The following ARHGEF7 variants were observed in gnomAD, a reference collection of about 807,000 sequenced individuals.
ARHGEF7 encodes the protein Rho guanine nucleotide exchange factor 7, also known as PAK-interacting exchange factor beta.
Under a neutral mutation model 109.8 loss-of-function variants are expected in ARHGEF7, and 33 were observed. The observed-to-expected ratio is 0.30, with a 90% CI of 0.23 to 0.40. ARHGEF7 has a LOEUF of 0.40. Among genes scored for constraint, ARHGEF7 ranks in the 10% least tolerant of loss-of-function variants. The pLI, the probability that ARHGEF7 is intolerant of heterozygous loss-of-function variation, is 1.00. For synonymous variants in ARHGEF7, 458 were observed against 424.6 expected (o/e 1.08, Z -0.97); for missense variants, 938 against 1,098.5 (o/e 0.85, Z 2.07).
Position 111,131,364 on chromosome 13 carries a change from C to T in ARHGEF7, c.165+15673C>T, listed in dbSNP as rs974285326. ...CGGTCGCCTGTGCTGGAGCCCTGGG[C>T]GAGGCTTACCTAGGTTTGGGGCAAG... is the stretch of plus-strand genomic sequence containing the variant. On this transcript the variant is annotated intron_variant, in intron 1 of 21. Transcript: ENST00000646102. This position sits in a 1 kb window ranked among gnomAD's most constrained non-coding sequence, Gnocchi z 4.4. 9.9e-5 allele frequency among the ~76,000 whole-genome samples: 15 copies of T among 151,804 alleles called. No homozygotes were observed. Among genetic ancestry groups the T allele is most frequent in the African/African-American group, 3.4e-4 (14 of 41,302 alleles).
In ARHGEF7 at chr13:111,150,472, T is replaced by A. The variant is rs201215732; in HGVS notation, c.166-3433T>A. 2.6e-5 allele frequency among the ~76,000 whole-genome samples: 4 copies of A among 152,334 alleles called. No homozygotes were observed. In the East Asian group the frequency reaches 7.7e-4, roughly 29 times the overall value. ...CTTCTTCCTTCATGTCATTGAAACC[T>A]TCTCCACTTATTTGCCTTGCAATAT... On this transcript the variant is annotated intron_variant, in intron 1 of 21. Coordinates refer to ENST00000646102, the MANE Select transcript of ARHGEF7 (RefSeq NM_001354046.2).
At chr13:111,130,214 G>A (rs1413549123) in intron 1 of ARHGEF7, among the ~76,000 whole-genome samples, 3 of 152,298 alleles carry the variant, frequency 2.0e-5, no homozygotes, top group Non-Finnish European at 2.9e-5. Flanking sequence ...AGTGATTGTG[G>A]AGTAGCTCAA....
At chr13:111,191,107 G>T (rs1290274719) in intron 2 of ARHGEF7, among the ~76,000 whole-genome samples, 1 of 152,172 alleles carries the variant, frequency 6.6e-6, no homozygotes, top group Non-Finnish European at 1.5e-5. Flanking sequence ...GTCATGCAGG[G>T]AGTATGTTTG....
chr13:111,205,324 T>A lies in ARHGEF7; in HGVS notation c.288T>A (p.Asn96Lys). ...FDANDLYQGQNFNKVLSSLVT... is the reference protein window; with the variant it reads ...FDANDLYQGQKFNKVLSSLVT... ...CAAATGATTTGTATCAGGGGCAGAA[T>A]TTTAACAAGGTCCTCAGTTCCTTAG... Residue 96 changes from asparagine to lysine, a missense_variant, in exon 3 of 22, where the codon AAT (asparagine) becomes AAA (lysine). By Grantham distance (94) the Asn-to-Lys change is moderately conservative. Transcript: ENST00000646102. 1.2e-6 allele frequency: 2 copies of A among 1,601,758 alleles called. No homozygotes were observed. Among genetic ancestry groups the A allele is most frequent in the Non-Finnish European group, 1.7e-6 (2 of 1,177,276 alleles).
At chr13:111,282,798 C>A (rs2092839398) in intron 15 of ARHGEF7, 1 of 368,756 alleles carries the variant, frequency 2.7e-6, no homozygotes, top group Admixed American at 4.5e-5. Context: ...AAATTCTCAT[C>A]TTTTTACTAG....
chr13:111,242,290 T>C (rs960857658), intron 6 of ARHGEF7, among the ~76,000 whole-genome samples: 4 of 152,194 alleles, frequency 2.6e-5, no homozygotes, highest in South Asian at 2.1e-4. Flanking sequence ...TGTATTCCTT[T>C]CTCAGAGTTT....
chr13:111,241,320 G>A, intron 6 of ARHGEF7: 1 of 1,536,200 alleles, frequency 6.5e-7, no homozygotes, highest in Non-Finnish European at 8.7e-7. Context: ...CAGAAGACGA[G>A]GAGGGGAAGA....
At chr13:111,260,852 T>TAA (rs1339590910) in intron 8 of ARHGEF7, among the ~76,000 whole-genome samples, 1 of 152,184 alleles carries the variant, frequency 6.6e-6, no homozygotes, top group African/African-American at 2.4e-5. Context: ...AGGACAAAGT[T>TAA]AAAGTGTAGA....
intron 2 of ARHGEF7, among the ~76,000 whole-genome samples, chr13:111,202,248 A>T (rs1282512539): frequency 6.6e-6 from 1 of 152,228 alleles, no homozygotes; most frequent in Non-Finnish European, 1.5e-5. Context: ...CTGTGCTGGC[A>T]TTGAGGCTTC....
At chr13:111,261,668 C>T (rs1007293140) in intron 8 of ARHGEF7, among the ~76,000 whole-genome samples, 3 of 152,146 alleles carry the variant, frequency 2.0e-5, no homozygotes, top group Non-Finnish European at 4.4e-5. Context: ...TTTCTTAGCA[C>T]ATGGATCATT....
intron 2 of ARHGEF7, among the ~76,000 whole-genome samples, chr13:111,179,003 G>A (rs1342658198): frequency 6.6e-6 from 1 of 151,730 alleles, no homozygotes; most frequent in Non-Finnish European, 1.5e-5. Context: ...AAGTAACAAA[G>A]GTTGGGAGAC....
intron 19 of ARHGEF7, chr13:111,293,689 C>T: frequency 1.0e-6 from 1 of 985,394 alleles, no homozygotes; most frequent in Non-Finnish European, 1.2e-6. Context: ...CTTCAGAAAA[C>T]AAGATGCCAT....
intron 1 of ARHGEF7, chr13:111,116,206 G>A (rs2066763913): frequency 6.5e-6 from 1 of 152,688 alleles, no homozygotes; most frequent in Admixed American, 6.5e-5. Context: ...GCTGTGAAAC[G>A]ATCTACTACT....
At chr13:111,169,272 G>A (rs982297720) in intron 2 of ARHGEF7, among the ~76,000 whole-genome samples, 1 of 152,210 alleles carries the variant, frequency 6.6e-6, no homozygotes, top group Non-Finnish European at 1.5e-5. Context: ...AAATACCTGA[G>A]ACTGGGTAAT....
At chr13:111,195,643 T>C (rs1318663096) in intron 2 of ARHGEF7, among the ~76,000 whole-genome samples, 1 of 152,192 alleles carries the variant, frequency 6.6e-6, no homozygotes, top group Middle Eastern at 3.2e-3. Flanking sequence ...GATCATCTGG[T>C]TGGGGGCTTC....
intron 4 of ARHGEF7, among the ~76,000 whole-genome samples, chr13:111,210,813 G>T (rs1242113807): frequency 1.3e-5 from 2 of 152,172 alleles, no homozygotes; most frequent in African/African-American, 2.4e-5. Flanking sequence ...ATCTTGTAAC[G>T]TGAGTCTAGA....
chr13:111,117,202 C>T (rs751193687), intron 1 of ARHGEF7, among the ~76,000 whole-genome samples: 1 of 152,162 alleles, frequency 6.6e-6, no homozygotes, highest in Non-Finnish European at 1.5e-5. Context: ...AAAAACATGT[C>T]GCCATCAAAG....
chr13:111,276,292 T>C (rs986780909), intron 12 of ARHGEF7, among the ~76,000 whole-genome samples: 13 of 152,162 alleles, frequency 8.5e-5, no homozygotes, highest in African/African-American at 3.1e-4. Flanking sequence ...AAAAATAACA[T>C]GATCAAAACA....
In ARHGEF7 at chr13:111,264,479, C is replaced by A. The variant is rs138385326; in HGVS notation, c.951-3069C>A. 9.9e-5 allele frequency among the ~76,000 whole-genome samples: 15 copies of A among 152,172 alleles called. No individual in the cohort carries two copies. The East Asian group carries it at 2.9e-3, about 29-fold the overall frequency. ...ATCTGCGCAGAGATCTATATGTCAC[C>A]GCCACCGACAGGAAGACTTGTGCAT... is the stretch of plus-strand genomic sequence containing the variant. On this transcript the variant is annotated intron_variant, in intron 8 of 21. Coordinates refer to ENST00000646102, the MANE Select transcript of ARHGEF7 (RefSeq NM_001354046.2).
Sources: allele counts gnomAD v4.1 joint callset (sites outside exome capture counted in the v4.1 genomes callset), GRCh38; gene constraint gnomAD v4.1.1; non-coding constraint Gnocchi (gnomAD v3.1); transcripts MANE v1.5; gene names NCBI Gene and HGNC (gene_info 2026-07-23, HGNC 2026-07-21).